The following CLEC3B variants were observed in gnomAD, a reference collection of about 807,000 sequenced individuals.
CLEC3B encodes tetranectin.
Under a neutral mutation model 15.4 loss-of-function variants are expected in CLEC3B, and 13 were observed. That is an observed-to-expected ratio of 0.84 (90% CI 0.55 to 1.34). CLEC3B has a LOEUF of 1.34. CLEC3B is among the 40% of genes most tolerant of loss of function. The probability of loss-of-function intolerance (pLI) is 0.00; values close to 1 mark genes in which losing one functional copy is unlikely to be tolerated. For missense variants in CLEC3B, 242 were observed against 268.6 expected, an observed-to-expected ratio of 0.90 and a Z score of 0.69; for synonymous variants, 112 against 114.7, an observed-to-expected ratio of 0.98 and a Z score of 0.15.
Position 45,035,603 on chromosome 3 carries a change from G to T in CLEC3B, c.288G>T (p.Glu96Asp), listed in dbSNP as rs756440137. 2.5e-6 allele frequency: 4 copies of T among 1,614,138 alleles called. No homozygotes were observed. In the South Asian group the frequency reaches 4.4e-5, roughly 18 times the overall value. ...CGAAGACCTTCCACGAGGCCAGCGA[G>T]GACTGCATCTCGCGCGGGGGCACCC... ...TQTKTFHEAS[E>D]DCISRGGTLG... The change falls in exon 3 of 3, where the codon GAG becomes GAT. Residue 96 changes from glutamate to aspartate, a missense_variant. Physicochemically the swap from Glu to Asp is conservative, Grantham distance 45. Coordinates refer to ENST00000296130, the MANE Select transcript of CLEC3B (RefSeq NM_003278.3).
At chr3:45,035,334 A>G (rs1273766787) in intron 2 of CLEC3B, among the ~76,000 whole-genome samples, 190 bp from the exon 3 acceptor site, 1 of 152,110 alleles carries the variant, frequency 6.6e-6, no homozygotes, top group Admixed American at 6.5e-5. Context: ...TCTGTACATT[A>G]GTGGCCACCA....
chr3:45,029,614 C>A (rs1697527750), intron 1 of CLEC3B, among the ~76,000 whole-genome samples: 1 of 152,188 alleles, frequency 6.6e-6, no homozygotes, highest in Non-Finnish European at 1.5e-5. Context: ...TGCAAAGGCA[C>A]CTTATGGGTG....
intron 1 of CLEC3B, 89 bp downstream of exon 1, chr3:45,026,560 C>T (rs1300863480): frequency 5.7e-6 from 7 of 1,229,194 alleles, no homozygotes; most frequent in African/African-American, 3.0e-5. Flanking sequence ...CCTTCATTTT[C>T]CTCCTTTTGA....
At chr3:45,029,295 C>T (rs1478934226) in intron 1 of CLEC3B, among the ~76,000 whole-genome samples, 7 of 152,238 alleles carry the variant, frequency 4.6e-5, no homozygotes, top group Non-Finnish European at 1.0e-4. Flanking sequence ...TGGTCTGACC[C>T]ACTCTAGCCA....
chr3:45,035,763 G>C lies in CLEC3B; in HGVS notation c.448G>C (p.Ala150Pro). Reference protein sequence around the residue: ...AEGTWVDMTGARIAYKNWETE... With the variant: ...AEGTWVDMTGPRIAYKNWETE... ...GGGCACCTGGGTGGACATGACCGGC[G>C]CCCGCATCGCCTACAAGAACTGGGA... is the stretch of plus-strand genomic sequence containing the variant. The change falls in exon 3 of 3, where the codon GCC becomes CCC. Residue 150 changes from alanine (A) to proline (P), a missense_variant. Ala to Pro is a conservative substitution (Grantham distance 27). Coordinates refer to ENST00000296130, the MANE Select transcript of CLEC3B (RefSeq NM_003278.3). The C allele has an allele frequency of 6.2e-7, 1 of 1,613,668 alleles. No individual in the cohort carries two copies. Among genetic ancestry groups the C allele is most frequent in the Non-Finnish European group, 8.5e-7 (1 of 1,179,974 alleles).
chr3:45,028,460 G>A (rs1697513849), intron 1 of CLEC3B, among the ~76,000 whole-genome samples: 1 of 152,248 alleles, frequency 6.6e-6, no homozygotes, highest in Non-Finnish European at 1.5e-5. Context: ...GGAGGCTGAG[G>A]CAGGAGAATT....
At position 45,035,974 on chromosome 3, in the gene CLEC3B, G is replaced by A; in HGVS notation, c.*50G>A. The A allele has an allele frequency of 6.7e-7, 1 of 1,482,178 alleles. No homozygotes were observed. The highest frequency in any genetic ancestry group is 9.0e-7 in the Non-Finnish European group (1 of 1,110,950). 91.8% of individuals were successfully genotyped at this position (1,482,178 alleles called of 1,614,324 possible). A position where few individuals can be genotyped will look rare whatever the true frequency, so the allele number is the denominator to read the frequency against. On this transcript the variant is annotated 3_prime_UTR_variant, in exon 3 of 3. Transcript: ENST00000296130. ...GCCTGGAGGAGGGCAGGGGCCGCGG[G>A]AGGCCGGGAGGAGGGTGGGGACCTT... is the stretch of plus-strand genomic sequence containing the variant.
At position 45,026,325 on chromosome 3, in the gene CLEC3B, C is replaced by G; in HGVS notation, c.-38C>G. 5 of 1,569,658 alleles carry G rather than the reference C, an allele frequency of 3.2e-6. No homozygotes were observed. The highest frequency in any genetic ancestry group is 4.4e-6 in the Non-Finnish European group (5 of 1,143,684). ...GCTGTCACTGCGTTCGGACCCAGACCCGCTGCAGGCAGCAGCAGCCCCCGC... is the reference window on the plus strand; with the variant it reads ...GCTGTCACTGCGTTCGGACCCAGACGCGCTGCAGGCAGCAGCAGCCCCCGC... On this transcript the variant is annotated 5_prime_UTR_variant, in exon 1 of 3. Coordinates refer to ENST00000296130, the MANE Select transcript of CLEC3B (RefSeq NM_003278.3).
chr3:45,035,678 G>A lies in CLEC3B; in HGVS notation c.363G>A (p.Leu121=), dbSNP rs777945556. The A allele has an allele frequency of 2.5e-6, 4 of 1,613,768 alleles. No homozygotes were observed. The highest frequency in any genetic ancestry group is 2.2e-5 in the East Asian group (1 of 44,876). ...GSENDALYEY[L]RQSVGNEAEI... is the part of the protein sequence containing the mutation. ...AGAACGACGCCCTGTATGAGTACCT[G>A]CGCCAGAGCGTGGGCAACGAGGCCG... Residue 121 remains leucine, a synonymous_variant, in exon 3 of 3, where the codon CTG becomes CTA. Transcript: ENST00000296130.
At chr3:45,030,057 C>A (rs1576042984) in intron 1 of CLEC3B, 1 of 572,924 alleles carries the variant, frequency 1.7e-6, no homozygotes, top group Non-Finnish European at 2.2e-6. Context: ...TGGTGAAATG[C>A]TGGTGGTACA....
intron 1 of CLEC3B, among the ~76,000 whole-genome samples, chr3:45,029,026 G>A (rs1164536582): frequency 1.3e-5 from 2 of 152,176 alleles, no homozygotes; most frequent in Admixed American, 1.3e-4. Flanking sequence ...GGAACTGGGG[G>A]AACCTGGAGG....
At position 45,026,454 on chromosome 3, in the gene CLEC3B, T is replaced by C. The variant is rs1388693994; in HGVS notation, c.92T>C (p.Ile31Thr). 15 of 1,613,880 alleles carry C rather than the reference T, an allele frequency of 9.3e-6. No homozygotes were observed. Among genetic ancestry groups the C allele is most frequent in the African/African-American group, 2.7e-5 (2 of 74,862 alleles). The change falls in exon 1 of 3, where the codon ATT (isoleucine) becomes ACT (threonine). Residue 31 changes from isoleucine (I) to threonine (T), a missense_variant. Ile to Thr is a moderately conservative substitution (Grantham distance 89, BLOSUM62 -1). Transcript: ENST00000296130. ...TEPPTQKPKK[I>T]VNAKKDVVNT... is the part of the protein sequence containing the mutation. ...CCACCAACCCAGAAGCCCAAGAAGA[T>C]TGTAAATGCCAAGAAAGGTAAGGAG...
At chr3:45,030,037 G>C in intron 1 of CLEC3B, 1 of 452,348 alleles carries the variant, frequency 2.2e-6, no homozygotes, top group Non-Finnish European at 2.9e-6. Context: ...GGGCAGCCTG[G>C]GTTTCCTCAT....
intron 2 of CLEC3B, among the ~76,000 whole-genome samples, chr3:45,033,987 T>C (rs1393856445): frequency 6.6e-6 from 1 of 152,226 alleles, no homozygotes; most frequent in East Asian, 1.9e-4. Flanking sequence ...TCAGGAGCCC[T>C]GATGACGGGA....
At chr3:45,027,313 T>A (rs566688911) in intron 1 of CLEC3B, among the ~76,000 whole-genome samples, 1 of 152,302 alleles carries the variant, frequency 6.6e-6, no homozygotes, top group Non-Finnish European at 1.5e-5. Flanking sequence ...GGGCCTCCCT[T>A]AGGCCCTCCC....
At chr3:45,027,208 G>A (rs760519023) in intron 1 of CLEC3B, among the ~76,000 whole-genome samples, 1 of 152,202 alleles carries the variant, frequency 6.6e-6, no homozygotes, top group Non-Finnish European at 1.5e-5. Context: ...GGGAGCAGAG[G>A]CTAGAAGAGA....
At chr3:45,035,058 G>C (rs1407938330) in intron 2 of CLEC3B, among the ~76,000 whole-genome samples, 1 of 152,254 alleles carries the variant, frequency 6.6e-6, no homozygotes, top group Non-Finnish European at 1.5e-5. Flanking sequence ...CTGACTCTGA[G>C]ACAGAGCTAA....
At chr3:45,033,767 T>C (rs888975503) in intron 2 of CLEC3B, among the ~76,000 whole-genome samples, 2 of 152,230 alleles carry the variant, frequency 1.3e-5, no homozygotes, top group African/African-American at 2.4e-5. Flanking sequence ...TCACGAGAAG[T>C]AGCATTGACT....
In CLEC3B at chr3:45,035,981, G is replaced by A. The variant is rs1697640155; in HGVS notation, c.*57G>A. On this transcript the variant is annotated 3_prime_UTR_variant, in exon 3 of 3. Coordinates refer to ENST00000296130, the MANE Select transcript of CLEC3B (RefSeq NM_003278.3). ...GGAGGGCAGGGGCCGCGGGAGGCCG[G>A]GAGGAGGGTGGGGACCTTGCAGCCC... 6.8e-7 allele frequency: 1 copy of A among 1,469,036 alleles called. No homozygotes were observed. Among genetic ancestry groups the A allele is most frequent in the Non-Finnish European group, 9.1e-7 (1 of 1,102,740 alleles). 91.0% of individuals were successfully genotyped at this position (1,469,036 alleles called of 1,614,324 possible).
Sources: allele counts gnomAD v4.1 joint callset (sites outside exome capture counted in the v4.1 genomes callset), GRCh38; gene constraint gnomAD v4.1.1; transcripts MANE v1.5; gene names NCBI Gene and HGNC (gene_info 2026-07-23, HGNC 2026-07-21).